Variants in EIF6 observed in about 807,000 individuals in gnomAD.
EIF6 encodes the protein eukaryotic translation initiation factor 6, also known as B4 integrin interactor.
EIF6 carries 10 observed loss-of-function variants against 25.5 expected under a neutral mutation model. That is an observed-to-expected ratio of 0.39 (90% CI 0.24 to 0.66). EIF6 has a LOEUF of 0.66. Among genes scored for constraint, EIF6 ranks in the 30% least tolerant of loss-of-function variants. The pLI, the probability that EIF6 is intolerant of heterozygous loss-of-function variation, is 0.45. For missense variants in EIF6, 246 were observed against 315.4 expected (o/e 0.78, Z 1.67); for synonymous variants, 122 against 122.6 (o/e 1.00, Z 0.03).
chr20:35,283,821 A>G (rs555069787), intron 3 of EIF6, among the ~76,000 whole-genome samples: 137 of 152,030 alleles, frequency 9.0e-4, no homozygotes, highest in African/African-American at 3.3e-3. Flanking sequence ...AAAAAAGAGA[A>G]AAATCCTTCT....
Position 35,279,146 on chromosome 20 carries a change from G to A in EIF6, c.*51C>T, listed in dbSNP as rs752358775. 10 of 1,612,518 alleles carry A rather than the reference G, an allele frequency of 6.2e-6. No homozygotes were observed. Among genetic ancestry groups the A allele is most frequent in the Non-Finnish European group, 7.6e-6 (9 of 1,178,738 alleles). On this transcript the variant is annotated 3_prime_UTR_variant, in exon 7 of 7. Transcript: ENST00000374450. ...TACAGATTGGGCGGAATGTGGAGAAGGTTGGCCACAGTCCAGAGCCAGGAG... is the reference window on the plus strand; with the variant it reads ...TACAGATTGGGCGGAATGTGGAGAAAGTTGGCCACAGTCCAGAGCCAGGAG...
intron 3 of EIF6, 142 bp downstream of exon 3, chr20:35,284,034 G>T: frequency 9.2e-7 from 1 of 1,091,512 alleles, no homozygotes. Flanking sequence ...ATCTCCTGAC[G>T]CTTGGCCTGA....
Position 35,284,501 on chromosome 20 carries a change from G to T in EIF6, c.-5-9C>A. The stretch of plus-strand genomic sequence containing the variant: ...TCGGACCGCCATGAGGCCTAGGGGC[G>T]GCGGAGGCGGGAGTTCAAGGCCGGC... On this transcript the variant is annotated splice_polypyrimidine_tract_variant and intron_variant, in intron 1 of 6. Transcript: ENST00000374450. 4 of 1,587,700 alleles carry T rather than the reference G, an allele frequency of 2.5e-6. No individual in the cohort carries two copies. The highest frequency in any genetic ancestry group is 3.4e-6 in the Non-Finnish European group (4 of 1,161,128).
Position 35,280,093 on chromosome 20 carries a change from A to C in EIF6, c.395T>G (p.Val132Gly). 6.2e-7 allele frequency: 1 copy of C among 1,614,114 alleles called. No individual in the cohort carries two copies. The highest frequency in any genetic ancestry group is 8.5e-7 in the Non-Finnish European group (1 of 1,179,980). Reference sequence around the variant, plus strand: ...CTGTCTGAAGACTTCCACCTTGAGCACATCTGCCAGAATTTCTTCTGTCTC... The same window carrying C: ...CTGTCTGAAGACTTCCACCTTGAGCCCATCTGCCAGAATTTCTTCTGTCTC... ...DRETEEILAD[V>G]LKVEVFRQTV... Residue 132 changes from valine (V) to glycine (G), a missense_variant, in exon 5 of 7, where the codon GTG becomes GGG. Val to Gly is a moderately radical substitution (Grantham distance 109). Coordinates refer to ENST00000374450, the MANE Select transcript of EIF6 (RefSeq NM_002212.4).
chr20:35,283,996 C>T (rs1440721783), intron 3 of EIF6, among the ~76,000 whole-genome samples, 180 bp downstream of exon 3: 1 of 152,132 alleles, frequency 6.6e-6, no homozygotes, highest in Non-Finnish European at 1.5e-5. Flanking sequence ...TACTATTATC[C>T]AGCAGCCTTT....
chr20:35,280,859 C>A (rs1370012819), intron 3 of EIF6, 30 bp from the exon 4 acceptor site: 1 of 1,610,032 alleles, frequency 6.2e-7, no homozygotes. Flanking sequence ...AGGGTGAATA[C>A]ACAAGATGCC....
Position 35,280,025 on chromosome 20 carries a change from T to C in EIF6, c.463A>G (p.Ser155Gly). ...GGATGCACCAGCCCTCCCTGATTGC[T>C]GAAGACACAGTAGCTTCCTACTAGC... ...QVLVGSYCVF[S>G]NQGGLVHPKT... is the part of the protein sequence containing the mutation. Residue 155 changes from serine (S) to glycine (G), a missense_variant, in exon 5 of 7, where the codon AGC becomes GGC. Ser to Gly is a moderately conservative substitution (Grantham distance 56). Transcript: ENST00000374450. The C allele has an allele frequency of 1.2e-6, 2 of 1,614,254 alleles. No homozygotes were observed. The highest frequency in any genetic ancestry group is 1.7e-6 in the Non-Finnish European group (2 of 1,180,044).
intron 3 of EIF6, among the ~76,000 whole-genome samples, chr20:35,282,802 G>A (rs185550404): frequency 6.6e-6 from 1 of 152,044 alleles, no homozygotes; most frequent in East Asian, 1.9e-4. Context: ...TAGAGACGGG[G>A]TTTCTCCATG....
In EIF6 at chr20:35,284,759, C is replaced by G; in HGVS notation, c.-39G>C. 2.0e-6 allele frequency: 1 copy of G among 510,022 alleles called. No individual in the cohort carries two copies. The highest frequency in any genetic ancestry group is 2.7e-5 in the South Asian group (1 of 36,712). 31.6% of individuals were successfully genotyped at this position (510,022 alleles called of 1,614,324 possible). On this transcript the variant is annotated 5_prime_UTR_variant, in exon 1 of 7. Transcript: ENST00000374450. ...CAGTAACAAGCTCCGCACGCGGCGA[C>G]TGTACCTTGGACTCCCTAAAAAGGT...
chr20:35,279,074 C>G lies in EIF6; in HGVS notation c.*123G>C, dbSNP rs1421405270. On this transcript the variant is annotated 3_prime_UTR_variant, in exon 7 of 7. Transcript: ENST00000374450. ...AGGTGGAAAAGGGTTGGGTGCCCAGCCCCTCAGTCCCAGTGAGCTCTCTGC... is the reference window on the plus strand; with the variant it reads ...AGGTGGAAAAGGGTTGGGTGCCCAGGCCCTCAGTCCCAGTGAGCTCTCTGC... 1 of 1,276,708 alleles carries G rather than the reference C, an allele frequency of 7.8e-7. No individual in the cohort carries two copies. Among genetic ancestry groups the G allele is most frequent in the Non-Finnish European group, 1.1e-6 (1 of 887,014 alleles). 79.1% of individuals were successfully genotyped at this position (1,276,708 alleles called of 1,614,324 possible).
chr20:35,280,542 A>G, intron 4 of EIF6, 112 bp downstream of exon 4: 1 of 1,296,170 alleles, frequency 7.7e-7, no homozygotes, highest in Non-Finnish European at 1.1e-6. Flanking sequence ...TCAAGAGCCC[A>G]TATAGAAAAA....
chr20:35,280,979 C>G, intron 3 of EIF6, 150 bp from the exon 4 acceptor site: 1 of 864,060 alleles, frequency 1.2e-6, no homozygotes, highest in Non-Finnish European at 1.8e-6. Flanking sequence ...GGAAAACACC[C>G]AGGGCAGGCC....
chr20:35,279,754 A>G lies in EIF6; in HGVS notation c.547-7T>C. On this transcript the variant is annotated splice_region_variant and splice_polypyrimidine_tract_variant and intron_variant, in intron 5 of 6. Coordinates refer to ENST00000374450, the MANE Select transcript of EIF6 (RefSeq NM_002212.4). The stretch of plus-strand genomic sequence containing the variant: ...CTCGGTTCACAGTCCCCGCCTGCCA[A>G]GGGATGGGCTCAATGTGAGTCACGG... 1.2e-6 allele frequency: 2 copies of G among 1,613,960 alleles called. No homozygotes were observed. The highest frequency in any genetic ancestry group is 1.7e-6 in the Non-Finnish European group (2 of 1,179,902).
chr20:35,281,335 G>A (rs541407443), intron 3 of EIF6, among the ~76,000 whole-genome samples: 54 of 150,666 alleles, frequency 3.6e-4, no homozygotes, highest in African/African-American at 1.3e-3. Context: ...GCAGTGAGCC[G>A]AGATCGCGCC....
intron 3 of EIF6, 62 bp from the exon 4 acceptor site, chr20:35,280,891 G>T (rs2060769145): frequency 6.4e-7 from 1 of 1,560,464 alleles, no homozygotes; most frequent in African/African-American, 1.4e-5. Context: ...AGGGGCTGAG[G>T]ATACCACTCA....
Sources: gnomAD v4.1 joint callset for allele counts (sites outside exome capture counted in the v4.1 genomes callset) on GRCh38, gnomAD v4.1.1 for gene constraint, MANE v1.5 for transcripts, NCBI Gene and HGNC (gene_info 2026-07-23, HGNC 2026-07-21) for gene names.